Variants in CFAP69 observed in about 807,000 individuals in gnomAD.
CFAP69 encodes cilia and flagella associated protein 69.
Under a neutral mutation model 123.0 loss-of-function variants are expected in CFAP69, and 92 were observed. The ratio of observed to expected loss-of-function variants is 0.75; its 90% CI spans 0.63 to 0.89. CFAP69 has a LOEUF of 0.89. CFAP69 is among the 40% of genes least tolerant of loss of function. The pLI, the probability that CFAP69 is intolerant of heterozygous loss-of-function variation, is 0.00. For synonymous variants in CFAP69, 380 were observed against 364.3 expected, an observed-to-expected ratio of 1.04 and a Z score of -0.49; for missense variants, 1,067 against 1,096.9, an observed-to-expected ratio of 0.97 and a Z score of 0.39.
intron 5 of CFAP69, 79 bp downstream of exon 5, chr7:90,265,456 A>G: frequency 2.2e-6 from 2 of 922,504 alleles, no homozygotes; most frequent in South Asian, 3.1e-5. Context: ...ATTTTCCCCA[A>G]GTTTCACTAA....
intron 2 of CFAP69, among the ~76,000 whole-genome samples, chr7:90,255,870 T>G (rs902684381): frequency 6.6e-6 from 1 of 152,128 alleles, no homozygotes; most frequent in Non-Finnish European, 1.5e-5. Flanking sequence ...CACACAAACA[T>G]GTACACATAG....
intron 3 of CFAP69, 50 bp downstream of exon 3, chr7:90,258,213 A>T (rs1004338238): frequency 3.1e-6 from 4 of 1,294,714 alleles, no homozygotes; most frequent in Non-Finnish European, 3.3e-6. Flanking sequence ...CTGAAATGAG[A>T]ATTTCTTTTA....
intron 13 of CFAP69, among the ~76,000 whole-genome samples, chr7:90,284,338 T>G (rs1020910643): frequency 8.5e-5 from 13 of 152,160 alleles, no homozygotes; most frequent in Non-Finnish European, 1.6e-4. Context: ...CAGTGTACAC[T>G]GCTTGGTGAC....
rs1295597151 is a variant in CFAP69 at position 90,271,614 on chromosome 7, T to C, written c.621T>C (p.Leu207=). Residue 207 remains leucine (L), a synonymous_variant, in exon 7 of 23, where the codon CTT becomes CTC. Coordinates refer to ENST00000389297, the MANE Select transcript of CFAP69 (RefSeq NM_001039706.3). ...AKTMVQSMTL[L]ENQLVEKLWV... ...CAATGGTCCAGTCAATGACCTTGCTTGAAAATCAACTTGTTGAGAAACTTT... is the reference window on the plus strand; with the variant it reads ...CAATGGTCCAGTCAATGACCTTGCTCGAAAATCAACTTGTTGAGAAACTTT... 1 of 1,613,574 alleles carries C rather than the reference T, an allele frequency of 6.2e-7. No homozygotes were observed. The highest frequency in any genetic ancestry group is 2.2e-5 in the East Asian group (1 of 44,876).
chr7:90,314,963 T>C (rs897954543), downstream of CFAP69, among the ~76,000 whole-genome samples: 2 of 150,418 alleles, frequency 1.3e-5, no homozygotes, highest in Non-Finnish European at 3.0e-5. Flanking sequence ...CAGACACTTT[T>C]CAAAAGATGT....
At chr7:90,315,743 T>A (rs1025932314), downstream of CFAP69, among the ~76,000 whole-genome samples, 3 of 152,240 alleles carry the variant, frequency 2.0e-5, no homozygotes, top group African/African-American at 7.2e-5. Flanking sequence ...TGTGTACCCC[T>A]GAACCTAAAA....
chr7:90,316,915 T>C, the CFAP69 span: 1 of 152,184 alleles, frequency 6.6e-6, no homozygotes, highest in Non-Finnish European at 1.5e-5. Flanking sequence ...GTTGAACAAT[T>C]TTTTAGACTA....
At position 90,277,316 on chromosome 7, in the gene CFAP69, A is replaced by T. The variant is rs763725091; in HGVS notation, c.1137A>T (p.Lys379Asn). 5.7e-6 allele frequency: 9 copies of T among 1,572,506 alleles called. No individual in the cohort carries two copies. Residue 379 changes from lysine to asparagine, a missense_variant, in exon 11 of 23, where the codon AAA (lysine) becomes AAT (asparagine). Lys to Asn is a moderately conservative substitution (Grantham distance 94, BLOSUM62 0). Coordinates refer to ENST00000389297, the MANE Select transcript of CFAP69 (RefSeq NM_001039706.3). Reference sequence around the variant, plus strand: ...TCAACGTAATTGTGATCTTATGTAAAGATTTACCTACTGTACAGGTAAAGA... The same window carrying T: ...TCAACGTAATTGTGATCTTATGTAATGATTTACCTACTGTACAGGTAAAGA... ...LLFNVIVILC[K>N]DLPTVQLLID...
Position 90,268,721 on chromosome 7 carries a change from G to T in CFAP69, c.532+337G>T, listed in dbSNP as rs113197670. Among the ~76,000 whole-genome samples, 894 of 151,970 alleles carry T rather than the reference G, an allele frequency of 5.9e-3. 14 individuals are homozygous for T. Among genetic ancestry groups the T allele is most frequent in the African/African-American group, 0.02 (845 of 41,488 alleles). ...CACTTTATAATTATTTATAATATCTGCCCCCACTCAGTTAAATGTTAAGCT... is the reference window on the plus strand; with the variant it reads ...CACTTTATAATTATTTATAATATCTTCCCCCACTCAGTTAAATGTTAAGCT... On this transcript the variant is annotated intron_variant, in intron 6 of 22. Coordinates refer to ENST00000389297, the MANE Select transcript of CFAP69 (RefSeq NM_001039706.3).
chr7:90,290,965 G>A (rs1333674578), intron 15 of CFAP69, among the ~76,000 whole-genome samples: 1 of 152,074 alleles, frequency 6.6e-6, no homozygotes, highest in African/African-American at 2.4e-5. Flanking sequence ...AGGAAGAAGA[G>A]TGCAAGTAGC....
intron 16 of CFAP69, among the ~76,000 whole-genome samples, chr7:90,298,700 A>G (rs1792347037): frequency 6.6e-6 from 1 of 152,176 alleles, no homozygotes; most frequent in Non-Finnish European, 1.5e-5. Flanking sequence ...GGATTAAATG[A>G]GTGATTGTAT....
chr7:90,266,376 GA>G (rs1005263710), intron 5 of CFAP69, among the ~76,000 whole-genome samples: 3 of 152,016 alleles, frequency 2.0e-5, no homozygotes, highest in African/African-American at 7.2e-5. Flanking sequence ...GGCAGGTTCA[GA>G]AATATGGGAA....
intron 19 of CFAP69, among the ~76,000 whole-genome samples, chr7:90,306,520 C>G (rs1202786441): frequency 6.6e-6 from 1 of 152,118 alleles, no homozygotes; most frequent in Non-Finnish European, 1.5e-5. Flanking sequence ...TTCATCTTGA[C>G]CTAGCCTTCA....
chr7:90,266,111 C>T (rs545392289), intron 5 of CFAP69: 11 of 152,024 alleles, frequency 7.2e-5, no homozygotes, highest in African/African-American at 2.2e-4. Flanking sequence ...AAAATATTTA[C>T]GGAATAATGA....
At position 90,252,807 on chromosome 7, in the gene CFAP69, A is replaced by G. The variant is rs1356312232; in HGVS notation, c.121-2616A>G. Among the ~76,000 whole-genome samples, 5 of 152,324 alleles carry G rather than the reference A, an allele frequency of 3.3e-5. No individual in the cohort carries two copies. In the East Asian group the frequency reaches 7.7e-4, roughly 23 times the overall value. On this transcript the variant is annotated intron_variant, in intron 1 of 22. Coordinates refer to ENST00000389297, the MANE Select transcript of CFAP69 (RefSeq NM_001039706.3). ...ATCTCAGTTAGGATTAATTTCTAAA[A>G]ATTGTTTTTGAAAGAAATTTCTTGA...
intron 12 of CFAP69, among the ~76,000 whole-genome samples, chr7:90,280,790 G>A (rs1342181868): frequency 6.6e-6 from 1 of 152,070 alleles, no homozygotes; most frequent in Non-Finnish European, 1.5e-5. Context: ...CCTCTTTTCT[G>A]GTAGAAATTT....
At chr7:90,302,561 C>T (rs548978002) in intron 17 of CFAP69, 77 of 152,234 alleles carry the variant, frequency 5.1e-4, no homozygotes, top group African/African-American at 1.7e-3. Context: ...TATCCCAGCA[C>T]CATTTATTAA....
intron 14 of CFAP69, chr7:90,287,707 T>C: frequency 1.0e-6 from 1 of 985,562 alleles, no homozygotes; most frequent in Non-Finnish European, 1.2e-6. Flanking sequence ...ATCATAATCT[T>C]GCTTACTGGG....
At chr7:90,272,128 C>A in intron 8 of CFAP69, 170 bp downstream of exon 8, 1 of 537,022 alleles carries the variant, frequency 1.9e-6, no homozygotes. Flanking sequence ...TGCACAATAA[C>A]AAGCCACACT....
Sources: allele counts gnomAD v4.1 joint callset (sites outside exome capture counted in the v4.1 genomes callset), GRCh38; gene constraint gnomAD v4.1.1; transcripts MANE v1.5; gene names NCBI Gene and HGNC (gene_info 2026-07-23, HGNC 2026-07-21).